Variants in IMMP1L observed in about 807,000 individuals in gnomAD.
IMMP1L encodes the protein inner mitochondrial membrane peptidase subunit 1.
In IMMP1L, 24 loss-of-function variants were observed where a neutral mutation model predicts 21.8. The observed-to-expected ratio is 1.10, with a 90% CI of 0.80 to 1.55. IMMP1L has a LOEUF of 1.55. Ranked by LOEUF, IMMP1L falls within the 40% of genes most tolerant of loss-of-function variation. The pLI, the probability that IMMP1L is intolerant of heterozygous loss-of-function variation, is 0.00. For missense variants in IMMP1L, 195 were observed against 200.7 expected (o/e 0.97, Z 0.17); for synonymous variants, 46 against 62.8 (o/e 0.73, Z 1.26).
At chr11:31,436,433 G>A (rs563586146) in intron 4 of IMMP1L, among the ~76,000 whole-genome samples, 12 of 152,138 alleles carry the variant, frequency 7.9e-5, no homozygotes, top group Non-Finnish European at 1.3e-4. Flanking sequence ...ATCATCTCTG[G>A]AGTAATTTTT....
chr11:31,492,202 C>T (rs140405976), intron 1 of IMMP1L, among the ~76,000 whole-genome samples: 4 of 152,332 alleles, frequency 2.6e-5, no homozygotes, highest in African/African-American at 7.2e-5. Context: ...CCTATATCAA[C>T]TATCTTTGCT....
At position 31,432,476 on chromosome 11, in the gene IMMP1L, T is replaced by C. The variant is rs755233345; in HGVS notation, c.*24A>G. On this transcript the variant is annotated 3_prime_UTR_variant, in exon 6 of 6. Coordinates refer to ENST00000532287, the MANE Select transcript of IMMP1L (RefSeq NM_001304274.2). The stretch of plus-strand genomic sequence containing the variant: ...AATTCACATGAAAAGGAGACAATAA[T>C]CAAGTCAAAAGAATAAATGCTTACT... 6.5e-7 allele frequency: 1 copy of C among 1,546,924 alleles called. No individual in the cohort carries two copies. Among genetic ancestry groups the C allele is most frequent in the South Asian group, 1.1e-5 (1 of 89,606 alleles).
chr11:31,504,246 A>G (rs1449810850), intron 1 of IMMP1L, among the ~76,000 whole-genome samples: 1 of 152,250 alleles, frequency 6.6e-6, no homozygotes, highest in Non-Finnish European at 1.5e-5. Flanking sequence ...CTGAAATCAA[A>G]AGATAAGAAA....
chr11:31,480,957 C>A (rs1435488049), intron 1 of IMMP1L, among the ~76,000 whole-genome samples: 1 of 151,998 alleles, frequency 6.6e-6, no homozygotes, highest in Admixed American at 6.6e-5. Flanking sequence ...ATTTCAAAGC[C>A]CACAAGAGCC....
chr11:31,466,684 C>A (rs994302108), intron 1 of IMMP1L, among the ~76,000 whole-genome samples: 1 of 151,886 alleles, frequency 6.6e-6, no homozygotes, highest in Non-Finnish European at 1.5e-5. Context: ...TATGTTTTCA[C>A]TCATCTGTGG....
At chr11:31,465,143 G>C (rs1026077397) in intron 1 of IMMP1L, among the ~76,000 whole-genome samples, 2 of 151,804 alleles carry the variant, frequency 1.3e-5, no homozygotes, top group Non-Finnish European at 2.9e-5. Context: ...TATTCACCAG[G>C]AATGATCTAG....
chr11:31,491,276 A>G (rs1955246083), intron 1 of IMMP1L, among the ~76,000 whole-genome samples: 1 of 152,216 alleles, frequency 6.6e-6, no homozygotes, highest in Admixed American at 6.5e-5. Context: ...AATGGCTCAG[A>G]AGGAAGAGAA....
intron 1 of IMMP1L, among the ~76,000 whole-genome samples, chr11:31,464,705 T>C (rs1215232566): frequency 1.3e-5 from 2 of 152,146 alleles, no homozygotes; most frequent in East Asian, 1.9e-4. Flanking sequence ...ATGATCTCAA[T>C]AGATGCAGAA....
At chr11:31,488,751 G>A (rs1955160945) in intron 1 of IMMP1L, among the ~76,000 whole-genome samples, 1 of 152,060 alleles carries the variant, frequency 6.6e-6, no homozygotes, top group Non-Finnish European at 1.5e-5. Context: ...AAAACCTTGT[G>A]ACCAGTTATA....
At chr11:31,452,208 T>C in intron 4 of IMMP1L, 1 of 984,220 alleles carries the variant, frequency 1.0e-6, no homozygotes, top group Non-Finnish European at 1.2e-6. Context: ...TAGATGCAGA[T>C]TTTACAACAT....
chr11:31,452,889 G>A (rs1953804151), intron 4 of IMMP1L: 7 of 601,190 alleles, frequency 1.2e-5, no homozygotes, highest in Non-Finnish European at 1.4e-5. Context: ...TAGCTGAGAT[G>A]ACAGGCGCCT....
At chr11:31,468,668 C>T (rs1055225240) in intron 1 of IMMP1L, among the ~76,000 whole-genome samples, 10 of 152,084 alleles carry the variant, frequency 6.6e-5, no homozygotes, top group Non-Finnish European at 2.9e-5. Flanking sequence ...TGCCTTCTCT[C>T]ATACAGCTTA....
intron 1 of IMMP1L, among the ~76,000 whole-genome samples, chr11:31,474,771 G>A (rs1954673639): frequency 6.6e-6 from 1 of 152,162 alleles, no homozygotes; most frequent in South Asian, 2.1e-4. Context: ...GTTTAAAGCA[G>A]TGAATACTGC....
intron 1 of IMMP1L, among the ~76,000 whole-genome samples, chr11:31,489,695 A>T (rs1207609892): frequency 6.6e-6 from 1 of 151,938 alleles, no homozygotes; most frequent in East Asian, 1.9e-4. Context: ...TTTGTAATGC[A>T]TTTCTGTATC....
chr11:31,461,702 A>G (rs1052775907), intron 2 of IMMP1L, among the ~76,000 whole-genome samples: 2 of 152,136 alleles, frequency 1.3e-5, no homozygotes, highest in African/African-American at 4.8e-5. Context: ...ATATAAATGA[A>G]TTTTGCGTTC....
intron 4 of IMMP1L, among the ~76,000 whole-genome samples, chr11:31,451,869 T>C (rs1240329890): frequency 6.6e-6 from 1 of 152,140 alleles, no homozygotes; most frequent in African/African-American, 2.4e-5. Flanking sequence ...ATTCCAATGT[T>C]TGGATATGAG....
intron 4 of IMMP1L, 48 bp downstream of exon 4, chr11:31,456,212 G>A (rs946066745): frequency 1.5e-6 from 2 of 1,371,868 alleles, no homozygotes; most frequent in African/African-American, 1.4e-5. Context: ...CTCAGTTAAT[G>A]TTAATCAATT....
chr11:31,448,521 T>C (rs1034418444), intron 4 of IMMP1L, among the ~76,000 whole-genome samples: 3 of 152,104 alleles, frequency 2.0e-5, no homozygotes. Context: ...CAGATAAAAA[T>C]ACATATAATA....
At chr11:31,443,438 G>A (rs1278151728) in intron 4 of IMMP1L, among the ~76,000 whole-genome samples, 2 of 152,144 alleles carry the variant, frequency 1.3e-5, no homozygotes, top group Non-Finnish European at 1.5e-5. Context: ...TTAAAAATGC[G>A]AGTGTCTGAA....
Sources: allele counts gnomAD v4.1 joint callset (sites outside exome capture counted in the v4.1 genomes callset), GRCh38; gene constraint gnomAD v4.1.1; transcripts MANE v1.5; gene names NCBI Gene and HGNC (gene_info 2026-07-23, HGNC 2026-07-21).